ERAP2: variants seen among roughly 807,000 people sequenced by gnomAD.
ERAP2 encodes endoplasmic reticulum aminopeptidase 2, also known as leukocyte-derived arginine aminopeptidase.
In ERAP2, 118 loss-of-function variants were observed where a neutral mutation model predicts 111.1. The ratio of observed to expected loss-of-function variants is 1.06; its 90% confidence interval spans 0.92 to 1.24. ERAP2 has a LOEUF of 1.24. Ranked by LOEUF, ERAP2 falls within the 50% of genes most tolerant of loss-of-function variation. ERAP2 has a pLI of 0.00. For missense variants in ERAP2, 1,131 were observed against 1,125.8 expected (o/e 1.00, Z -0.07); for synonymous variants, 410 against 401.2 (o/e 1.02, Z -0.26).
chr5:96,877,913 T>C (rs1175426395), intron 1 of ERAP2, among the ~76,000 whole-genome samples: 6 of 152,232 alleles, frequency 3.9e-5, no homozygotes. Context: ...GCATTAATAT[T>C]GCAAATTGAA....
chr5:96,877,715 C>A (rs1303457465), intron 1 of ERAP2, among the ~76,000 whole-genome samples: 1 of 143,662 alleles, frequency 7.0e-6, no homozygotes, highest in Non-Finnish European at 1.5e-5. Context: ...CTCAGACCCA[C>A]ATAATAAGCC....
At chr5:96,906,570 G>C (rs921630889) in intron 13 of ERAP2, among the ~76,000 whole-genome samples, 1 of 152,208 alleles carries the variant, frequency 6.6e-6, no homozygotes, top group African/African-American at 2.4e-5. Flanking sequence ...ACCCAGAATG[G>C]AGAGAGAATT....
intron 16 of ERAP2, 71 bp from the exon 17 acceptor site, chr5:96,913,246 T>C (rs1787004207): frequency 8.3e-7 from 1 of 1,204,476 alleles, no homozygotes; most frequent in East Asian, 2.5e-5. Flanking sequence ...TTTTAATATA[T>C]TGGTGGCTTG....
intron 5 of ERAP2, among the ~76,000 whole-genome samples, chr5:96,889,750 A>G (rs1468059025): frequency 1.3e-5 from 2 of 152,026 alleles, no homozygotes; most frequent in Non-Finnish European, 2.9e-5. Context: ...CTTCTGTGGG[A>G]GGGAAACACA....
chr5:96,914,644 C>G (rs1787177057), intron 17 of ERAP2, among the ~76,000 whole-genome samples: 1 of 152,164 alleles, frequency 6.6e-6, no homozygotes, highest in Non-Finnish European at 1.5e-5. Context: ...ATATTTTTTT[C>G]TGAGCTGTAA....
rs1320603090 is a variant in ERAP2, at chr5:96,903,444, C to T, written c.1896C>T (p.Ile632=). Residue 632 remains isoleucine (I), a synonymous_variant, in exon 13 of 19, where the codon ATC becomes ATT. Coordinates refer to ENST00000437043, the MANE Select transcript of ERAP2 (RefSeq NM_022350.5). ...ATGTGGACTCAAATGGTTACTACAT[C>T]GTTCACTATGAGGGTCATGGATGGG... ...KFNVDSNGYY[I]VHYEGHGWDQ... The T allele has an allele frequency of 3.7e-6, 6 of 1,613,836 alleles. No homozygotes were observed. The highest frequency in any genetic ancestry group is 2.2e-5 in the South Asian group (2 of 91,072).
chr5:96,881,130 C>T (rs1000661084), intron 2 of ERAP2: 2 of 300,604 alleles, frequency 6.7e-6, no homozygotes, highest in East Asian at 1.8e-4. Flanking sequence ...AGCCTTGGGG[C>T]GTCTTGTAAG....
rs755975216 is a variant in ERAP2 at position 96,915,731 on chromosome 5, A to G, written c.2701A>G (p.Thr901Ala). ...TGACATAAGGATGATCATCTCTGGC[A>G]CAACAGCTCACTTTTCTTCCAAGGA... is the stretch of plus-strand genomic sequence containing the variant. ...SYDIRMIISG[T>A]TAHFSSKDKL... is the part of the protein sequence containing the mutation. Residue 901 changes from threonine to alanine, a missense_variant, in exon 18 of 19, where the codon ACA becomes GCA. Physicochemically the swap from Thr to Ala is moderately conservative, Grantham distance 58 (BLOSUM62 0). Coordinates refer to ENST00000437043, the MANE Select transcript of ERAP2 (RefSeq NM_022350.5). 6.2e-7 allele frequency: 1 copy of G among 1,600,092 alleles called. No homozygotes were observed. The highest frequency in any genetic ancestry group is 1.7e-5 in the Admixed American group (1 of 57,928).
intron 12 of ERAP2, chr5:96,902,830 A>G (rs555386717): frequency 6.5e-6 from 1 of 155,014 alleles, no homozygotes; most frequent in South Asian, 2.0e-4. Flanking sequence ...AGTTGTTGAG[A>G]GAATATTATA....
At chr5:96,885,544 A>G (rs1009854102) in intron 3 of ERAP2, among the ~76,000 whole-genome samples, 1 of 152,218 alleles carries the variant, frequency 6.6e-6, no homozygotes. Flanking sequence ...TAGCAAAAAC[A>G]TTTGCCATCA....
At chr5:96,896,965 T>TAAGTCATATGTTGGGTAAAGATAGACTG in intron 9 of ERAP2, 102 bp downstream of exon 9, 4 of 987,684 alleles carry the variant, frequency 4.0e-6, no homozygotes, top group Non-Finnish European at 5.6e-6. Context: ...GTCAACCATA[T>TAAGTCATATGTTGGGTAAAGATAGACTG]TTATTCTGCT....
At chr5:96,900,853 A>AT in intron 10 of ERAP2, among the ~76,000 whole-genome samples, 2 of 151,824 alleles carry the variant, frequency 1.3e-5, no homozygotes, top group South Asian at 4.2e-4. Context: ...ATTTTTTTGT[A>AT]TTTTCAGTAG....
At chr5:96,879,371 G>C (rs1344448260) in intron 1 of ERAP2, among the ~76,000 whole-genome samples, 193 bp from the exon 2 acceptor site, 1 of 152,176 alleles carries the variant, frequency 6.6e-6, no homozygotes, top group Non-Finnish European at 1.5e-5. Flanking sequence ...GGTTTTTTGG[G>C]GGAGTCCTAA....
chr5:96,891,559 CA>C (rs1784397718), intron 5 of ERAP2, among the ~76,000 whole-genome samples: 1 of 141,588 alleles, frequency 7.1e-6, no homozygotes, highest in African/African-American at 2.7e-5. Flanking sequence ...CACACACACA[CA>C]CACATATATG....
At chr5:96,907,352 AG>A (rs1357182477) in intron 13 of ERAP2, among the ~76,000 whole-genome samples, 1 of 152,228 alleles carries the variant, frequency 6.6e-6, no homozygotes, top group African/African-American at 2.4e-5. Context: ...CAACTATAAA[AG>A]TAAGTATTTT....
chr5:96,882,543 G>C (rs1207421759), intron 2 of ERAP2, among the ~76,000 whole-genome samples: 1 of 152,158 alleles, frequency 6.6e-6, no homozygotes. Flanking sequence ...AAATAATTCA[G>C]TTGAAAGTGG....
intron 6 of ERAP2, among the ~76,000 whole-genome samples, chr5:96,894,082 C>G (rs1205797330): frequency 1.3e-5 from 2 of 152,202 alleles, no homozygotes; most frequent in African/African-American, 4.8e-5. Flanking sequence ...TATTTGTCTA[C>G]TGGTTGACCT....
At chr5:96,901,395 CTTCTG>C (rs1785445554) in intron 10 of ERAP2, 106 bp from the exon 11 acceptor site, 1 of 1,214,228 alleles carries the variant, frequency 8.2e-7, no homozygotes, top group Non-Finnish European at 1.2e-6. Context: ...CAGTCCGAGT[CTTCTG>C]TTCCCCAAGC....
chr5:96,890,050 A>C (rs2151142531), intron 5 of ERAP2, among the ~76,000 whole-genome samples: 1 of 152,312 alleles, frequency 6.6e-6, no homozygotes, highest in East Asian at 1.9e-4. Context: ...ATTTTTAAAA[A>C]ATTGCAGGAA....
Sources: allele counts gnomAD v4.1 joint callset (sites outside exome capture counted in the v4.1 genomes callset), GRCh38; gene constraint gnomAD v4.1.1; transcripts MANE v1.5; gene names NCBI Gene and HGNC (gene_info 2026-07-23, HGNC 2026-07-21).